Variants in PELI2 observed in about 807,000 individuals in gnomAD.
PELI2 encodes E3 ubiquitin-protein ligase pellino homolog 2.
A neutral mutation model predicts 42.3 loss-of-function variants in PELI2; 23 were observed. That is an observed-to-expected ratio of 0.54 (90% CI 0.39 to 0.77). PELI2 has a LOEUF of 0.77. Among genes scored for constraint, PELI2 ranks in the 30% least tolerant of loss-of-function variants. The pLI is 0.00. For missense variants in PELI2, 463 were observed against 553.2 expected (o/e 0.84, Z 1.64); for synonymous variants, 245 against 212.2 (o/e 1.15, Z -1.34).
intron 1 of PELI2, among the ~76,000 whole-genome samples, chr14:56,159,595 T>C (rs1884683019): frequency 6.6e-6 from 1 of 152,200 alleles, no homozygotes; most frequent in Admixed American, 6.5e-5. Context: ...TGGTGTGATA[T>C]TTTCTCTTCT....
At chr14:56,209,429 A>G (rs1886636226) in intron 2 of PELI2, among the ~76,000 whole-genome samples, 1 of 152,268 alleles carries the variant, frequency 6.6e-6, no homozygotes, top group Admixed American at 6.5e-5. Flanking sequence ...CTCAGTGCAG[A>G]AGCAGATATG....
chr14:56,170,015 G>T (rs182593402), intron 1 of PELI2, among the ~76,000 whole-genome samples: 368 of 152,320 alleles, frequency 2.4e-3, no homozygotes, highest in Non-Finnish European at 4.7e-3. Flanking sequence ...CTCAAGACTG[G>T]TGCCAGATTG....
chr14:56,270,359 T>C (rs779891435), intron 2 of PELI2, among the ~76,000 whole-genome samples: 17 of 152,302 alleles, frequency 1.1e-4, no homozygotes, highest in African/African-American at 3.6e-4. Flanking sequence ...GCAACGTAAA[T>C]TGTGAATTCC....
chr14:56,206,837 C>G (rs1483774040), intron 2 of PELI2, among the ~76,000 whole-genome samples: 1 of 152,106 alleles, frequency 6.6e-6, no homozygotes, highest in Non-Finnish European at 1.5e-5. Context: ...TTCTGAATTC[C>G]AAGATCACTG....
At chr14:56,286,169 A>C (rs909398969) in intron 3 of PELI2, among the ~76,000 whole-genome samples, 1 of 152,226 alleles carries the variant, frequency 6.6e-6, no homozygotes, top group Admixed American at 6.5e-5. Flanking sequence ...GATCCAGTAT[A>C]AAAGGAGAAA....
At chr14:56,163,562 T>G (rs1566614101) in intron 1 of PELI2, among the ~76,000 whole-genome samples, 1 of 152,194 alleles carries the variant, frequency 6.6e-6, no homozygotes, top group Admixed American at 6.5e-5. Context: ...TCTGGGTCTT[T>G]TGTTGCTCTG....
At chr14:56,289,325 G>A (rs1246712752) in intron 4 of PELI2, among the ~76,000 whole-genome samples, 3 of 152,102 alleles carry the variant, frequency 2.0e-5, no homozygotes, top group Non-Finnish European at 4.4e-5. Flanking sequence ...TCTGCCTCCC[G>A]TGGTGCACCA....
intron 1 of PELI2, among the ~76,000 whole-genome samples, chr14:56,127,402 T>C (rs1883313845): frequency 6.6e-6 from 1 of 152,124 alleles, no homozygotes; most frequent in African/African-American, 2.4e-5. Context: ...AACACTGCAT[T>C]TGGGTGGTTA....
rs1889023944 is a variant in PELI2 at position 56,269,498 on chromosome 14, A to G, written c.208-10178A>G. On this transcript the variant is annotated intron_variant, in intron 2 of 5. Coordinates refer to ENST00000267460, the MANE Select transcript of PELI2 (RefSeq NM_021255.3). ...AGGTTGACTTAATACGTTCTAAAACACAATGAAAAAATCCATACAAACTTC... is the reference window on the plus strand; with the variant it reads ...AGGTTGACTTAATACGTTCTAAAACGCAATGAAAAAATCCATACAAACTTC... Among the ~76,000 whole-genome samples, 4 of 152,182 alleles carry G rather than the reference A, an allele frequency of 2.6e-5. No homozygotes were observed. In the South Asian group the frequency reaches 8.3e-4, roughly 31 times the overall value.
At chr14:56,198,282 T>C (rs567253874) in intron 2 of PELI2, among the ~76,000 whole-genome samples, 1 of 152,176 alleles carries the variant, frequency 6.6e-6, no homozygotes, top group South Asian at 2.1e-4. Flanking sequence ...GGGCACAAAT[T>C]GGATACATGA....
intron 2 of PELI2, among the ~76,000 whole-genome samples, chr14:56,228,799 G>GTATC (rs1327711325): frequency 1.3e-5 from 2 of 152,208 alleles, no homozygotes; most frequent in Non-Finnish European, 2.9e-5. Context: ...GCAGGGTGGG[G>GTATC]TATCCCCTCA....
chr14:56,149,667 T>C (rs142926563), intron 1 of PELI2, among the ~76,000 whole-genome samples: 182 of 152,334 alleles, frequency 1.2e-3, no homozygotes, highest in Non-Finnish European at 2.1e-3. Flanking sequence ...AGATTAATTT[T>C]TACCTGACCT....
Position 56,299,225 on chromosome 14 carries a change from C to T in PELI2, c.*2059C>T, listed in dbSNP as rs550328264. ...CTACCAAGAAAAAAAGATATTTTTC[C>T]AGAGAGTTAGGTATATCATAATTTT... On this transcript the variant is annotated 3_prime_UTR_variant, in exon 6 of 6. Transcript: ENST00000267460. The T allele has an allele frequency of 1.3e-5, 2 of 152,212 alleles. No homozygotes were observed. Among genetic ancestry groups the T allele is most frequent in the East Asian group, 3.9e-4 (2 of 5,170 alleles). The allele number at this position is 152,212 out of a possible 1,614,324, so 9.4% of individuals were successfully genotyped here. A position where few individuals can be genotyped will look rare whatever the true frequency, so the allele number is the denominator to read the frequency against.
At chr14:56,239,790 G>A (rs1379434996) in intron 2 of PELI2, among the ~76,000 whole-genome samples, 1 of 152,200 alleles carries the variant, frequency 6.6e-6, no homozygotes, top group Non-Finnish European at 1.5e-5. Context: ...AGAGCACAGA[G>A]CTCAGGGGGA....
intron 2 of PELI2, among the ~76,000 whole-genome samples, chr14:56,241,107 T>C (rs201976197): frequency 6.8e-6 from 1 of 147,366 alleles, no homozygotes; most frequent in Admixed American, 6.9e-5. Flanking sequence ...TTGAGTATTC[T>C]TCTCTGAGGA....
intron 1 of PELI2, among the ~76,000 whole-genome samples, chr14:56,154,145 C>T (rs532787795): frequency 2.0e-5 from 3 of 152,186 alleles, no homozygotes; most frequent in Non-Finnish European, 2.9e-5. Context: ...TTTAGTTTTT[C>T]TTATGCATAT....
chr14:56,217,487 T>C (rs1886949528), intron 2 of PELI2, among the ~76,000 whole-genome samples: 1 of 152,248 alleles, frequency 6.6e-6, no homozygotes, highest in South Asian at 2.1e-4. Context: ...TGCGTCCGGC[T>C]TGGCCAGGGG....
At chr14:56,207,096 G>A (rs546695684) in intron 2 of PELI2, among the ~76,000 whole-genome samples, 2 of 152,166 alleles carry the variant, frequency 1.3e-5, no homozygotes, top group Non-Finnish European at 2.9e-5. Flanking sequence ...GTGAACATAC[G>A]ACTTTAAGAT....
chr14:56,294,235 C>A (rs1212335651), intron 5 of PELI2, among the ~76,000 whole-genome samples: 2 of 152,164 alleles, frequency 1.3e-5, no homozygotes, highest in South Asian at 2.1e-4. Flanking sequence ...CAGGTGAGAC[C>A]TGGATGACAA....
Sources: allele counts gnomAD v4.1 joint callset (sites outside exome capture counted in the v4.1 genomes callset), GRCh38; gene constraint gnomAD v4.1.1; transcripts MANE v1.5; gene names NCBI Gene and HGNC (gene_info 2026-07-23, HGNC 2026-07-21).